The following CCDC62 variants were observed in gnomAD, a reference collection of about 807,000 sequenced individuals.
CCDC62 encodes the protein coiled-coil domain-containing protein 62.
A neutral mutation model predicts 80.8 loss-of-function variants in CCDC62; 72 were observed. The observed-to-expected ratio is 0.89, with a 90% CI of 0.74 to 1.08. The LOEUF is 1.08. Among genes scored for constraint, CCDC62 ranks in the 50% least tolerant of loss-of-function variants. The pLI, the probability that CCDC62 is intolerant of heterozygous loss-of-function variation, is 0.00. For synonymous variants in CCDC62, 286 were observed against 296.5 expected (o/e 0.96, Z 0.36); for missense variants, 704 against 809.4 (o/e 0.87, Z 1.58).
intron 6 of CCDC62, 144 bp from the exon 7 acceptor site, chr12:122,797,163 C>T (rs2031013376): frequency 1.9e-6 from 1 of 515,144 alleles, no homozygotes; most frequent in African/African-American, 2.0e-5. Context: ...CAGGTGTGAG[C>T]CACTTCGTTC....
rs376553249 is a variant in CCDC62, at chr12:122,774,746, C to T, written c.36+40C>T. On this transcript the variant is annotated intron_variant, in intron 1 of 12. Coordinates refer to ENST00000253079, the MANE Select transcript of CCDC62 (RefSeq NM_201435.5). Reference sequence around the variant, plus strand: ...CGGGCGCGGCGGGGCGCCGCGGGAACGGTGCACATTGGTCGAAATCTATTG... The same window carrying T: ...CGGGCGCGGCGGGGCGCCGCGGGAATGGTGCACATTGGTCGAAATCTATTG... The T allele has an allele frequency of 6.5e-5, 80 of 1,232,012 alleles. No homozygotes were observed. The African/African-American group carries it at 7.6e-4, about 12-fold the overall frequency. The allele number at this position is 1,232,012 out of a possible 1,614,324, so 76.3% of individuals were successfully genotyped here. A position where few individuals can be genotyped will look rare whatever the true frequency, so the allele number is the denominator to read the frequency against.
chr12:122,822,954 G>A (rs770363949), intron 11 of CCDC62, among the ~76,000 whole-genome samples: 16 of 151,050 alleles, frequency 1.1e-4, no homozygotes, highest in Non-Finnish European at 2.2e-4. Context: ...TTCATCTAAC[G>A]TCTTTTTTTC....
In CCDC62 at chr12:122,781,258, A is replaced by G. The variant is rs754981333; in HGVS notation, c.324A>G (p.Gln108=). The G allele has an allele frequency of 3.1e-6, 5 of 1,614,014 alleles. No homozygotes were observed. The highest frequency in any genetic ancestry group is 4.5e-5 in the East Asian group (2 of 44,894). ...AAATGGAATGCCAAACAGCTCTCCA[A>G]AAGACCCAACTACAGCTTCAGGAAA... ...SNQMECQTAL[Q]KTQLQLQEMA... is the part of the protein sequence containing the mutation. The change falls in exon 3 of 13, where the codon CAA becomes CAG. Residue 108 remains glutamine, a synonymous_variant. Coordinates refer to ENST00000253079, the MANE Select transcript of CCDC62 (RefSeq NM_201435.5).
intron 5 of CCDC62, among the ~76,000 whole-genome samples, chr12:122,789,707 C>T (rs2030482472): frequency 6.6e-6 from 1 of 152,180 alleles, no homozygotes; most frequent in African/African-American, 2.4e-5. Context: ...GTGCTGAGAT[C>T]TACAGGCGTG....
intron 10 of CCDC62, among the ~76,000 whole-genome samples, chr12:122,812,785 AAG>A (rs1491341625): frequency 1.1e-4 from 12 of 110,096 alleles, no homozygotes; most frequent in African/African-American, 4.6e-4. Flanking sequence ...GAGAGAAAGA[AAG>A]AAAGAAAGAA....
chr12:122,779,503 G>A (rs1013631611), intron 2 of CCDC62, among the ~76,000 whole-genome samples: 1 of 152,122 alleles, frequency 6.6e-6, no homozygotes, highest in Non-Finnish European at 1.5e-5. Context: ...TGGGGCCCAA[G>A]GGTCTGCATT....
At chr12:122,795,704 G>T (rs1254370546) in intron 6 of CCDC62, among the ~76,000 whole-genome samples, 1 of 152,168 alleles carries the variant, frequency 6.6e-6, no homozygotes, top group African/African-American at 2.4e-5. Flanking sequence ...GATTACAGGC[G>T]TGTTCTTTTA....
At chr12:122,814,300 AAG>A (rs1445340064) in intron 11 of CCDC62, among the ~76,000 whole-genome samples, 262 of 21,902 alleles carry the variant, frequency 0.012, 15 homozygotes, top group African/African-American at 0.025. Flanking sequence ...AAAAAAAAAA[AAG>A]AGAGAGAGAA....
intron 10 of CCDC62, among the ~76,000 whole-genome samples, chr12:122,812,801 A>G (rs190011309): frequency 4.0e-4 from 58 of 144,086 alleles, no homozygotes; most frequent in African/African-American, 1.5e-3. Flanking sequence ...GAAAGAAAGA[A>G]AGAAAGAAAG....
intron 12 of CCDC62, 29 bp downstream of exon 12, chr12:122,823,488 T>G: frequency 9.8e-7 from 1 of 1,022,926 alleles, no homozygotes; most frequent in South Asian, 1.3e-5. Context: ...TCTCACCTTA[T>G]ATCTCAATTA....
rs145950256 is a variant in CCDC62 at position 122,801,622 on chromosome 12, G to C, written c.1476G>C (p.Arg492Ser). 9 of 1,614,162 alleles carry C rather than the reference G, an allele frequency of 5.6e-6. No individual in the cohort carries two copies. The highest frequency in any genetic ancestry group is 7.6e-6 in the Non-Finnish European group (9 of 1,180,034). ...TAGAATGTCAAGATCAGATGGAAAG[G>C]TCCGAAATCTCATGCTGCCAGAAAA... ...LDVECQDQME[R>S]SEISCCQKNE... Residue 492 changes from arginine (R) to serine (S), a missense_variant, in exon 9 of 13, where the codon AGG becomes AGC. Coordinates refer to ENST00000253079, the MANE Select transcript of CCDC62 (RefSeq NM_201435.5).
chr12:122,791,290 C>A (rs796188694), intron 5 of CCDC62, among the ~76,000 whole-genome samples: 2 of 152,022 alleles, frequency 1.3e-5, no homozygotes, highest in African/African-American at 4.8e-5. Context: ...AGTCGCCCAC[C>A]ACCACACCCA....
intron 8 of CCDC62, among the ~76,000 whole-genome samples, chr12:122,798,552 G>A (rs1429491210): frequency 6.6e-6 from 1 of 152,096 alleles, no homozygotes; most frequent in Non-Finnish European, 1.5e-5. Context: ...GCAGTGAGCC[G>A]AGATCACGCC....
chr12:122,811,636 A>C (rs544719319), intron 10 of CCDC62, among the ~76,000 whole-genome samples: 92 of 151,012 alleles, frequency 6.1e-4, no homozygotes, highest in Non-Finnish European at 1.1e-3. Context: ...CCTGACCAAC[A>C]TGGTGAAACC....
intron 4 of CCDC62, among the ~76,000 whole-genome samples, chr12:122,787,537 G>A (rs1272517649): frequency 6.6e-6 from 1 of 151,254 alleles, no homozygotes; most frequent in Non-Finnish European, 1.5e-5. Flanking sequence ...AGATCACAAG[G>A]CCAAGAGATT....
intron 3 of CCDC62, among the ~76,000 whole-genome samples, chr12:122,781,913 G>A (rs986651117): frequency 1.2e-4 from 18 of 150,672 alleles, no homozygotes; most frequent in Non-Finnish European, 2.4e-4. Flanking sequence ...GTGTGGGGGT[G>A]CACTGCTGTG....
chr12:122,817,810 G>A (rs2032230299), intron 11 of CCDC62, among the ~76,000 whole-genome samples: 1 of 152,120 alleles, frequency 6.6e-6, no homozygotes, highest in Non-Finnish European at 1.5e-5. Context: ...ATGTGTGTGT[G>A]TGCATGCATG....
intron 3 of CCDC62, 123 bp from the exon 4 acceptor site, chr12:122,785,596 T>A: frequency 1.4e-6 from 1 of 701,190 alleles, no homozygotes; most frequent in Non-Finnish European, 2.6e-6. Flanking sequence ...CAACTCTTTT[T>A]TGTTACTAAC....
intron 2 of CCDC62, among the ~76,000 whole-genome samples, chr12:122,779,355 T>G (rs781199927): frequency 2.0e-5 from 3 of 152,108 alleles, no homozygotes; most frequent in Non-Finnish European, 2.9e-5. Flanking sequence ...GCAAAATCAT[T>G]TGGCAGCATC....
Sources: allele counts gnomAD v4.1 joint callset (sites outside exome capture counted in the v4.1 genomes callset), GRCh38; gene constraint gnomAD v4.1.1; transcripts MANE v1.5; gene names NCBI Gene and HGNC (gene_info 2026-07-23, HGNC 2026-07-21).